Variants in METTL1 observed in about 807,000 individuals in gnomAD.
The protein encoded by METTL1 is methyltransferase 1, tRNA methylguanosine.
METTL1 carries 14 observed loss-of-function variants against 27.7 expected under a neutral mutation model. That is an observed-to-expected ratio of 0.51 (90% CI 0.33 to 0.79). The LOEUF (loss-of-function observed/expected upper bound fraction) is 0.79. Among genes scored for constraint, METTL1 ranks in the 30% least tolerant of loss-of-function variants. The pLI is 0.02. For missense variants in METTL1, 333 were observed against 359.6 expected, an observed-to-expected ratio of 0.93 and a Z score of 0.60; for synonymous variants, 138 against 137.0, an observed-to-expected ratio of 1.01 and a Z score of -0.05.
intron 2 of METTL1, 153 bp downstream of exon 2, chr12:57,770,941 C>G (rs908415797): frequency 1.3e-6 from 1 of 794,222 alleles, no homozygotes; most frequent in Non-Finnish European, 1.9e-6. Flanking sequence ...AGGTCACAGA[C>G]CCAGAGTAGA....
intron 1 of METTL1, chr12:57,771,696 A>G: frequency 1.3e-6 from 2 of 1,492,820 alleles, no homozygotes; most frequent in Non-Finnish European, 1.8e-6. Flanking sequence ...CAAAAGATGG[A>G]AACGACATTC....
At chr12:57,771,479 C>A in intron 1 of METTL1, 1 of 1,504,822 alleles carries the variant, frequency 6.6e-7, no homozygotes. Context: ...TAAACGCTGA[C>A]CTGCCCAACT....
At chr12:57,770,953 G>C in intron 2 of METTL1, 141 bp downstream of exon 2, 1 of 856,768 alleles carries the variant, frequency 1.2e-6, no homozygotes, top group South Asian at 1.8e-5. Flanking sequence ...CAGAGTAGAG[G>C]GTAGGTGGAG....
intron 1 of METTL1, chr12:57,771,553 T>C: frequency 3.3e-6 from 5 of 1,534,818 alleles, no homozygotes; most frequent in Non-Finnish European, 4.4e-6. Context: ...CAAGTTCCCC[T>C]TCTCCCGAGA....
rs1351892202 is a variant in METTL1 at position 57,769,689 on chromosome 12, G to C, written c.460-11C>G. 11 of 1,590,032 alleles carry C rather than the reference G, an allele frequency of 6.9e-6. No homozygotes were observed. Among genetic ancestry groups the C allele is most frequent in the Non-Finnish European group, 8.6e-6 (10 of 1,164,748 alleles). On this transcript the variant is annotated splice_polypyrimidine_tract_variant and intron_variant, in intron 3 of 5. Transcript: ENST00000324871. ...GAACATCTTTGTCAGCTGTGAGACA[G>C]ACACACACCAACAGGGTTGTGAGAG...
At position 57,769,551 on chromosome 12, in the gene METTL1, C is replaced by T. The variant is rs746533966; in HGVS notation, c.573+14G>A. On this transcript the variant is annotated intron_variant, in intron 4 of 5. Transcript: ENST00000324871. ...TAGGCCACTCACCCCATCATCCCTC[C>T]GATCCCAACTCACCCCAACTCTTAG... 116 of 1,557,292 alleles carry T rather than the reference C, an allele frequency of 7.4e-5. No homozygotes were observed. The highest frequency in any genetic ancestry group is 9.3e-5 in the Non-Finnish European group (107 of 1,149,026).
intron 2 of METTL1, 69 bp from the exon 3 acceptor site, chr12:57,770,025 G>A (rs1462551039): frequency 8.1e-6 from 12 of 1,480,378 alleles, no homozygotes; most frequent in African/African-American, 1.4e-5. Flanking sequence ...GTCAACACAG[G>A]AAAGGAAGCC....
rs768652691 is a variant in METTL1, at chr12:57,769,942, G to T, written c.289C>A (p.Leu97Met). 1.9e-5 allele frequency: 30 copies of T among 1,608,586 alleles called. No individual in the cohort carries two copies. Among genetic ancestry groups the T allele is most frequent in the African/African-American group, 2.7e-5 (2 of 74,836 alleles). Residue 97 changes from leucine to methionine, a missense_variant, in exon 3 of 6, where the codon CTG becomes ATG. Physicochemically the swap from Leu to Met is conservative, Grantham distance 15. Transcript: ENST00000324871. ...CCCAGAATAAGTGTGTCTGGGAACA[G>T]CGGTGACAGTTCCACTGCACACAGA... Reference protein sequence around the residue: ...YGGLLVELSPLFPDTLILGLE... With the variant: ...YGGLLVELSPMFPDTLILGLE...
chr12:57,770,894 A>G (rs757104459), intron 2 of METTL1, 200 bp downstream of exon 2: 1 of 539,824 alleles, frequency 1.9e-6, no homozygotes, highest in Non-Finnish European at 3.2e-6. Context: ...AGGTTTTAAG[A>G]AGCATTTGAG....
At chr12:57,771,365 G>A in intron 1 of METTL1, 108 bp from the exon 2 acceptor site, 2 of 1,485,492 alleles carry the variant, frequency 1.3e-6, no homozygotes, top group Non-Finnish European at 1.8e-6. Context: ...AAGGGAGGAG[G>A]GTTTCTCAAA....
Position 57,772,072 on chromosome 12 carries a change from C to T in METTL1, c.12G>A (p.Glu4=). ...CCTCTGCTCCGGCCACGTTCCGAGT[C>T]TCGGCTGCCATGATCCCAGTCCGGG... MAA[E]TRNVAGAEAP... Residue 4 remains glutamate (E), a synonymous_variant, in exon 1 of 6, where the codon GAG becomes GAA. Coordinates refer to ENST00000324871, the MANE Select transcript of METTL1 (RefSeq NM_005371.6). The surrounding 1 kb of genome is among the most constrained non-coding windows in gnomAD (Gnocchi z 4.1). 6.4e-7 allele frequency: 1 copy of T among 1,562,414 alleles called. No individual in the cohort carries two copies. Among genetic ancestry groups the T allele is most frequent in the Non-Finnish European group, 8.6e-7 (1 of 1,162,426 alleles).
Position 57,771,106 on chromosome 12 carries a change from C to A in METTL1, c.262G>T (p.Gly88Cys). 1 of 1,613,664 alleles carries A rather than the reference C, an allele frequency of 6.2e-7. No homozygotes were observed. The highest frequency in any genetic ancestry group is 1.1e-5 in the South Asian group (1 of 91,054). Residue 88 changes from glycine (G) to cysteine (C), a missense_variant, in exon 2 of 6, where the codon GGT becomes TGT. Physicochemically the swap from Gly to Cys is radical, Grantham distance 159. Transcript: ENST00000324871. ...VEFADIGCGYGGLLVELSPLF... is the reference protein window; with the variant it reads ...VEFADIGCGYCGLLVELSPLF... ...GCCTGAGTGTTACCTAACAGGCCAC[C>A]ATAGCCACAGCCTATGTCTGCAAAC...
At chr12:57,771,541 C>A in intron 1 of METTL1, 1 of 1,533,800 alleles carries the variant, frequency 6.5e-7, no homozygotes, top group Non-Finnish European at 8.7e-7. Context: ...CTTTCTGGGG[C>A]ACAAGTTCCC....
intron 1 of METTL1, chr12:57,771,490 C>T: frequency 3.3e-6 from 5 of 1,515,726 alleles, no homozygotes; most frequent in Non-Finnish European, 4.4e-6. Flanking sequence ...CTGCCCAACT[C>T]CACTTCTGGC....
At chr12:57,771,946 CCT>C in intron 1 of METTL1, 26 bp downstream of exon 1, 4 of 1,489,132 alleles carry the variant, frequency 2.7e-6, no homozygotes, top group Non-Finnish European at 3.6e-6. Flanking sequence ...ATCCCGCCCT[CCT>C]CTCTCTCCCT....
chr12:57,771,325 A>G (rs1955428188), intron 1 of METTL1, 68 bp from the exon 2 acceptor site: 2 of 687,900 alleles, frequency 2.9e-6, no homozygotes, highest in South Asian at 3.0e-5. Flanking sequence ...GTACTGTGAG[A>G]GTGTGTGGGT....
rs371798173 is a variant in METTL1 at position 57,769,869 on chromosome 12, C to T, written c.362G>A (p.Arg121Gln). 3.2e-5 allele frequency: 52 copies of T among 1,613,988 alleles called. 1 individual carries two copies. Among genetic ancestry groups the T allele is most frequent in the South Asian group, 1.3e-4 (12 of 91,064 alleles). Reference sequence around the variant, plus strand: ...ACCTGCAGGAGCTGCGCGTAGGGCCCGAATCCGGTCTTGTACATAGTCTGA... The same window carrying T: ...ACCTGCAGGAGCTGCGCGTAGGGCCTGAATCCGGTCTTGTACATAGTCTGA... ...KVSDYVQDRI[R>Q]ALRAAPAGGF... is the part of the protein sequence containing the mutation. Residue 121 changes from arginine (R) to glutamine (Q), a missense_variant, in exon 3 of 6, where the codon CGG becomes CAG. Transcript: ENST00000324871.
At chr12:57,769,182 GC>G (rs776656881) in intron 5 of METTL1, 31 bp from the exon 6 acceptor site, 1 of 1,602,682 alleles carries the variant, frequency 6.2e-7, no homozygotes, top group Non-Finnish European at 8.5e-7. Context: ...ATAAGTCCTT[GC>G]CCACTGTTCA....
chr12:57,771,989 T>C lies in METTL1; in HGVS notation c.95A>G (p.Asp32Gly). The C allele has an allele frequency of 1.3e-6, 2 of 1,527,788 alleles. No individual in the cohort carries two copies. Among genetic ancestry groups the C allele is most frequent in the Non-Finnish European group, 1.7e-6 (2 of 1,144,908 alleles). The allele number at this position is 1,527,788 out of a possible 1,614,324, so 94.6% of individuals were successfully genotyped here. The change falls in exon 1 of 6, where the codon GAC becomes GGC. Residue 32 changes from aspartate (D) to glycine (G), a missense_variant. Asp to Gly is a moderately conservative substitution (Grantham distance 94). Transcript: ENST00000324871. ...CACTCCTCACTAGCGCAGCGTGTGG[T>C]CCGCCATGGGGTTGGAGTGAGCACG... ...RQRAHSNPMA[D>G]HTLRYPVKPE...
Sources: gnomAD v4.1 joint callset for allele counts on GRCh38, gnomAD v4.1.1 for gene constraint, Gnocchi (gnomAD v3.1) non-coding constraint, MANE v1.5 for transcripts, NCBI Gene and HGNC (gene_info 2026-07-23, HGNC 2026-07-21) for gene names.